The following ELFN1 variants were observed in gnomAD, a reference collection of about 807,000 sequenced individuals.
The protein encoded by ELFN1 is extracellular leucine rich repeat and fibronectin type III domain containing 1, also known as protein ELFN1.
A neutral mutation model predicts 7.6 loss-of-function variants in ELFN1; 6 were observed. The observed-to-expected ratio is 0.79, with a 90% CI of 0.43 to 1.56. ELFN1 has a LOEUF of 1.56. Among genes scored for constraint, ELFN1 ranks in the 40% most tolerant of loss-of-function variants. The probability of loss-of-function intolerance (pLI) is 0.01; values close to 1 mark genes in which losing one functional copy is unlikely to be tolerated. For missense variants in ELFN1, 1,169 were observed against 1,232.2 expected, an observed-to-expected ratio of 0.95 and a Z score of 0.77; for synonymous variants, 657 against 588.1, an observed-to-expected ratio of 1.12 and a Z score of -1.70.
In ELFN1 at chr7:1,740,709, C is replaced by A. The variant is rs1286858459; in HGVS notation, c.-293-3595C>A. 1.3e-5 allele frequency among the ~76,000 whole-genome samples: 2 copies of A among 152,192 alleles called. No individual in the cohort carries two copies. The highest frequency in any genetic ancestry group is 2.9e-5 in the Non-Finnish European group (2 of 68,034). ...GAACCCCTCCTAGCACAGCACCTGT[C>A]CAGCCTCTCCCCCCCGGCCCCTGAC... is the stretch of plus-strand genomic sequence containing the variant. On this transcript the variant is annotated intron_variant, in intron 3 of 3. Transcript: ENST00000424383. The surrounding 1 kb of genome is among the most constrained non-coding windows in gnomAD (Gnocchi z 5.0).
chr7:1,696,135 A>G (rs554911925), intron 2 of ELFN1, among the ~76,000 whole-genome samples: 19 of 151,954 alleles, frequency 1.3e-4, no homozygotes, highest in Non-Finnish European at 2.1e-4. Context: ...GCAGATGGCT[A>G]CCTTCTCACC....
intron 1 of ELFN1, among the ~76,000 whole-genome samples, chr7:1,678,945 G>C (rs571836708): frequency 9.4e-4 from 143 of 152,308 alleles, no homozygotes; most frequent in African/African-American, 3.2e-3. Flanking sequence ...GCTGGCCTGT[G>C]CTCCCAGGAG....
chr7:1,677,578 AC>A (rs1470559236), intron 1 of ELFN1, among the ~76,000 whole-genome samples: 2 of 152,116 alleles, frequency 1.3e-5, no homozygotes, highest in Non-Finnish European at 2.9e-5. Context: ...GTGTGCACAC[AC>A]GTGCATGAAC....
chr7:1,730,406 C>T (rs182707086), intron 3 of ELFN1, among the ~76,000 whole-genome samples: 2 of 152,268 alleles, frequency 1.3e-5, no homozygotes, highest in Admixed American at 1.3e-4. Context: ...CCTGATCTCA[C>T]CCGTGAATAT....
At chr7:1,672,843 T>G (rs1018933219) in intron 1 of ELFN1, among the ~76,000 whole-genome samples, 1 of 151,418 alleles carries the variant, frequency 6.6e-6, no homozygotes, top group Non-Finnish European at 1.5e-5. Flanking sequence ...GGACTTGGGG[T>G]GTTCATATAT....
At chr7:1,720,117 G>T (rs948104692) in intron 3 of ELFN1, among the ~76,000 whole-genome samples, 1 of 152,172 alleles carries the variant, frequency 6.6e-6, no homozygotes, top group Admixed American at 6.5e-5. Context: ...AGTGTCCTTT[G>T]CGAGCCTGAT....
At chr7:1,699,784 A>T (rs1374884130) in intron 2 of ELFN1, among the ~76,000 whole-genome samples, 1 of 151,678 alleles carries the variant, frequency 6.6e-6, no homozygotes, top group Non-Finnish European at 1.5e-5. Context: ...GCTCACTGCA[A>T]CCTCCGCCTC....
In ELFN1 at chr7:1,746,473, G is replaced by A. The variant is rs761498559; in HGVS notation, c.1877G>A (p.Arg626Gln). ...GACGCCTTCGGCCACAGCCTGCAGCGGCACCACAGCGTGGAGGCCGCCGGG... is the reference window on the plus strand; with the variant it reads ...GACGCCTTCGGCCACAGCCTGCAGCAGCACCACAGCGTGGAGGCCGCCGGG... ...YKDAFGHSLQ[R>Q]HHSVEAAGPP... The change falls in exon 4 of 4, where the codon CGG becomes CAG. Residue 626 changes from arginine (R) to glutamine (Q), a missense_variant. By Grantham distance (43) the Arg-to-Gln change is conservative. Coordinates refer to ENST00000424383, the MANE Select transcript of ELFN1 (RefSeq NM_001128636.4). 30 of 1,517,770 alleles carry A rather than the reference G, an allele frequency of 2.0e-5. No homozygotes were observed. Among genetic ancestry groups the A allele is most frequent in the South Asian group, 9.8e-5 (8 of 81,798 alleles). 94.0% of individuals were successfully genotyped at this position (1,517,770 alleles called of 1,614,324 possible).
At chr7:1,709,689 A>G (rs1487397284) in intron 3 of ELFN1, among the ~76,000 whole-genome samples, 1 of 152,276 alleles carries the variant, frequency 6.6e-6, no homozygotes, top group Non-Finnish European at 1.5e-5. Flanking sequence ...ACGTAGGTTA[A>G]TATTGACTTG....
upstream of ELFN1, among the ~76,000 whole-genome samples, chr7:1,667,969 G>GA (rs994667753): frequency 7.0e-6 from 1 of 143,470 alleles, no homozygotes; most frequent in Non-Finnish European, 1.6e-5. This position sits in a 1 kb window ranked among gnomAD's most constrained non-coding sequence, Gnocchi z 8.2. Context: ...TCGGGGTGGG[G>GA]GGGGGGGGCG....
At chr7:1,715,774 G>A (rs986040825) in intron 3 of ELFN1, among the ~76,000 whole-genome samples, 2 of 152,182 alleles carry the variant, frequency 1.3e-5, no homozygotes, top group Non-Finnish European at 2.9e-5. Context: ...GGCCTCTCCC[G>A]CTGGGCAGGA....
intron 3 of ELFN1, among the ~76,000 whole-genome samples, chr7:1,718,170 C>T (rs561856419): frequency 7.2e-5 from 11 of 152,292 alleles, no homozygotes; most frequent in East Asian, 1.9e-4. Context: ...TTAAGGGAGT[C>T]GTTCACCAGT....
chr7:1,744,513 T>C lies in ELFN1; in HGVS notation c.-84T>C. 7.4e-7 allele frequency: 1 copy of C among 1,348,438 alleles called. No individual in the cohort carries two copies. Among genetic ancestry groups the C allele is most frequent in the Non-Finnish European group, 9.7e-7 (1 of 1,030,644 alleles). 83.5% of individuals were successfully genotyped at this position (1,348,438 alleles called of 1,614,324 possible). ...TGCAGGCACCTCCCCCTCCCGCCCCTCCATCCCTCTGGGGGCTGGCGCCTG... is the reference window on the plus strand; with the variant it reads ...TGCAGGCACCTCCCCCTCCCGCCCCCCCATCCCTCTGGGGGCTGGCGCCTG... On this transcript the variant is annotated 5_prime_UTR_variant, in exon 4 of 4. Transcript: ENST00000424383.
chr7:1,689,410 G>T (rs1016311275), intron 2 of ELFN1, among the ~76,000 whole-genome samples: 2 of 152,204 alleles, frequency 1.3e-5, no homozygotes, highest in Admixed American at 6.5e-5. Flanking sequence ...GAGGTGAGAC[G>T]CTGGGAGGAA....
At chr7:1,716,257 T>C (rs1057280873) in intron 3 of ELFN1, among the ~76,000 whole-genome samples, 1 of 152,216 alleles carries the variant, frequency 6.6e-6, no homozygotes, top group African/African-American at 2.4e-5. Flanking sequence ...AATTCCAGGT[T>C]TCCCTGCTGG....
At chr7:1,742,454 G>GCAC (rs1780652109) in intron 3 of ELFN1, among the ~76,000 whole-genome samples, 1 of 152,236 alleles carries the variant, frequency 6.6e-6, no homozygotes, top group Admixed American at 6.5e-5. Context: ...GGTTGTCTGG[G>GCAC]CACGGTGCAG....
chr7:1,727,650 C>G (rs1780233635), intron 3 of ELFN1, among the ~76,000 whole-genome samples: 1 of 152,120 alleles, frequency 6.6e-6, no homozygotes, highest in Non-Finnish European at 1.5e-5. Context: ...TTTTGGTCAC[C>G]CAGGGTGGCA....
At chr7:1,720,553 C>G (rs890834094) in intron 3 of ELFN1, among the ~76,000 whole-genome samples, 1 of 152,224 alleles carries the variant, frequency 6.6e-6, no homozygotes, top group South Asian at 2.1e-4. Flanking sequence ...CGGGCCCCAT[C>G]TAACCAGGCA....
At chr7:1,707,278 T>C (rs927873765) in intron 2 of ELFN1, among the ~76,000 whole-genome samples, 19 of 152,238 alleles carry the variant, frequency 1.2e-4, no homozygotes, top group African/African-American at 4.6e-4. Context: ...ATCCGCGTCC[T>C]GGCCCGACCC....
Sources: gnomAD v4.1 joint callset for allele counts (sites outside exome capture counted in the v4.1 genomes callset) on GRCh38, gnomAD v4.1.1 for gene constraint, Gnocchi (gnomAD v3.1) non-coding constraint, MANE v1.5 for transcripts, NCBI Gene and HGNC (gene_info 2026-07-23, HGNC 2026-07-21) for gene names.